The following RARB variants were observed in gnomAD, a reference collection of about 807,000 sequenced individuals.
RARB encodes HBV-activated protein.
Under a neutral mutation model 51.9 loss-of-function variants are expected in RARB, and 17 were observed. That is an observed-to-expected ratio of 0.33 (90% CI 0.22 to 0.49). RARB has a LOEUF of 0.49. Among genes scored for constraint, RARB ranks in the 20% least tolerant of loss-of-function variants. The pLI is 0.99. For missense variants in RARB, 369 were observed against 550.8 expected (o/e 0.67, Z 3.30); for synonymous variants, 215 against 195.4 (o/e 1.10, Z -0.84).
chr3:25,581,037 A>G (rs1031210008), intron 5 of RARB, among the ~76,000 whole-genome samples: 3 of 152,134 alleles, frequency 2.0e-5, no homozygotes, highest in Non-Finnish European at 2.9e-5. Context: ...CAAAATCATC[A>G]CATATGCTCT....
chr3:24,962,479 A>T (rs1696162079), intron 2 of RARB, among the ~76,000 whole-genome samples: 1 of 151,998 alleles, frequency 6.6e-6, no homozygotes, highest in Non-Finnish European at 1.5e-5. Flanking sequence ...AAACTACTAC[A>T]CTAAATCAGA....
intron 5 of RARB, among the ~76,000 whole-genome samples, chr3:25,393,516 T>A (rs1403426930): frequency 6.6e-6 from 1 of 152,168 alleles, no homozygotes; most frequent in African/African-American, 2.4e-5. Flanking sequence ...CATCTGTTCC[T>A]GAACTTTTTT....
chr3:25,395,246 T>G (rs1036407048), intron 5 of RARB, among the ~76,000 whole-genome samples: 10 of 152,232 alleles, frequency 6.6e-5, no homozygotes, highest in Non-Finnish European at 1.2e-4. Flanking sequence ...CCTTGTGGCT[T>G]GAAGGGTTTC....
intron 5 of RARB, among the ~76,000 whole-genome samples, chr3:25,232,665 G>A (rs1702206361): frequency 6.6e-6 from 1 of 151,988 alleles, no homozygotes; most frequent in African/African-American, 2.4e-5. Flanking sequence ...AGTGTGCATT[G>A]CTGATATATA....
intron 5 of RARB, among the ~76,000 whole-genome samples, chr3:25,248,974 A>G (rs971528255): frequency 6.6e-6 from 1 of 152,074 alleles, no homozygotes; most frequent in Non-Finnish European, 1.5e-5. Flanking sequence ...TAATATCTAA[A>G]TTTCTTGCTA....
intron 1 of RARB, among the ~76,000 whole-genome samples, chr3:25,430,249 T>C (rs1442945029): frequency 6.6e-6 from 1 of 152,218 alleles, no homozygotes; most frequent in African/African-American, 2.4e-5. Flanking sequence ...AAATGCCTTT[T>C]CTTTTTTGGT....
At position 25,128,042 on chromosome 3, in the gene RARB, A is replaced by T. The variant is rs568550429; in HGVS notation, c.-327-4119A>T. On this transcript the variant is annotated intron_variant, in intron 3 of 11. Coordinates refer to the RARB transcript ENST00000383772. ...GGGGACGAAAAGCAAACATTTGCTA[A>T]CCGGTTGCCTAAGGCTGGAGTGGTT... Among the ~76,000 whole-genome samples the T allele has an allele frequency of 2.1e-4, 32 of 152,234 alleles. No individual in the cohort carries two copies. In the East Asian group the frequency reaches 4.5e-3, roughly 21 times the overall value.
intron 4 of RARB, among the ~76,000 whole-genome samples, chr3:25,171,653 A>AAAAAAAAAAAC (rs1390314281): frequency 4.1e-5 from 6 of 145,828 alleles, no homozygotes; most frequent in African/African-American, 1.3e-4. Flanking sequence ...TAAAAAAAAA[A>AAAAAAAAAAAC]AAAAAAAACA....
At position 25,024,950 on chromosome 3, in the gene RARB, T is replaced by C. The variant is rs1401020142; in HGVS notation, c.-379-35175T>C. ...GCCTGGACAACAGAGTGAGACTCCG[T>C]CTCAAAAAAAAAAAAAAAAAAAAAA... On this transcript the variant is annotated intron_variant, in intron 2 of 11. Transcript: ENST00000383772. The C allele has an allele frequency of 4.1e-5, 3 of 73,168 alleles. No homozygotes were observed. The East Asian group carries it at 8.3e-4, about 20-fold the overall frequency. 4.5% of individuals were successfully genotyped at this position (73,168 alleles called of 1,614,324 possible). A position where few individuals can be genotyped will look rare whatever the true frequency, so the allele number is the denominator to read the frequency against.
chr3:25,197,562 A>T (rs61607078), intron 5 of RARB, among the ~76,000 whole-genome samples: 1,975 of 152,136 alleles, frequency 0.013, 49 homozygotes, highest in African/African-American at 0.045. Flanking sequence ...CCACCAAAAA[A>T]CTATTAGAAT....
intron 3 of RARB, among the ~76,000 whole-genome samples, chr3:25,556,446 G>A (rs1160194149): frequency 6.6e-6 from 1 of 152,042 alleles, no homozygotes; most frequent in Non-Finnish European, 1.5e-5. Context: ...GACAACCAAG[G>A]CCAAGTAGAA....
At position 25,185,630 on chromosome 3, in the gene RARB, A is replaced by G. The variant is rs540693223; in HGVS notation, c.178+11055A>G. On this transcript the variant is annotated intron_variant, in intron 5 of 11. Coordinates refer to the RARB transcript ENST00000383772. ...GAATATTTAGTAAATCATTTTTTTT[A>G]TAATCAGAATGGCTTTTATTAGAAT... 2.0e-4 allele frequency among the ~76,000 whole-genome samples: 31 copies of G among 152,188 alleles called. No homozygotes were observed. The South Asian group carries it at 6.0e-3, about 29-fold the overall frequency.
intron 2 of RARB, among the ~76,000 whole-genome samples, chr3:25,010,784 G>C (rs941139286): frequency 2.0e-5 from 3 of 151,998 alleles, no homozygotes; most frequent in African/African-American, 7.2e-5. Context: ...AACCCTCCCC[G>C]ATCCTTCTTT....
intron 2 of RARB, among the ~76,000 whole-genome samples, chr3:24,944,529 T>C (rs939927724): frequency 1.3e-5 from 2 of 152,194 alleles, no homozygotes; most frequent in Non-Finnish European, 2.9e-5. Context: ...TGTCTAAAAT[T>C]ACACAAGTAG....
intron 3 of RARB, among the ~76,000 whole-genome samples, chr3:25,079,702 A>G (rs947960630): frequency 6.6e-6 from 1 of 152,196 alleles, no homozygotes. Flanking sequence ...TTTAAAAAAT[A>G]TATTACTTTT....
rs1305264957 is a variant in RARB at position 25,000,108 on chromosome 3, AG to A, written c.-379-60015del. 6.6e-5 allele frequency among the ~76,000 whole-genome samples: 10 copies of A among 151,998 alleles called. No homozygotes were observed. In the East Asian group the frequency reaches 2.0e-3, roughly 30 times the overall value. On this transcript the variant is annotated intron_variant, in intron 2 of 11. Transcript: ENST00000383772. ...ATGAGAGACAATTTCTAAAGGAAAA[AG>A]GTGTTATGTTTACAGAAGGATGATG...
intron 2 of RARB, among the ~76,000 whole-genome samples, chr3:24,958,276 T>G (rs1021744949): frequency 1.4e-5 from 2 of 141,830 alleles, no homozygotes; most frequent in African/African-American, 2.6e-5. Context: ...TTTTTTTTTT[T>G]TTTTTTTTTT....
intron 5 of RARB, among the ~76,000 whole-genome samples, chr3:25,341,588 C>G (rs972169777): frequency 6.6e-6 from 1 of 152,068 alleles, no homozygotes; most frequent in Non-Finnish European, 1.5e-5. Flanking sequence ...GACTGACTCT[C>G]CTATTCATCT....
At chr3:25,009,782 T>C (rs931997550) in intron 2 of RARB, among the ~76,000 whole-genome samples, 11 of 152,076 alleles carry the variant, frequency 7.2e-5, no homozygotes, top group African/African-American at 1.4e-4. Flanking sequence ...ATGGGAAATA[T>C]GCTCATTTGC....
Sources: allele counts gnomAD v4.1 joint callset (sites outside exome capture counted in the v4.1 genomes callset), GRCh38; gene constraint gnomAD v4.1.1; transcripts MANE v1.5; gene names NCBI Gene and HGNC (gene_info 2026-07-23, HGNC 2026-07-21).